The following PRMT1 variants were observed in gnomAD, a reference collection of about 807,000 sequenced individuals.
PRMT1 encodes protein arginine methyltransferase 1.
In PRMT1, 5 loss-of-function variants were observed where a neutral mutation model predicts 47.4. The ratio of observed to expected loss-of-function variants is 0.11; its 90% CI spans 0.06 to 0.22. PRMT1 has a LOEUF of 0.22. PRMT1 is among the 10% of genes least tolerant of loss of function. The pLI, the probability that PRMT1 is intolerant of heterozygous loss-of-function variation, is 1.00. For synonymous variants in PRMT1, 227 were observed against 204.6 expected (o/e 1.11, Z -0.94); for missense variants, 249 against 518.4 (o/e 0.48, Z 5.05).
chr19:49,681,886 G>C lies in PRMT1; in HGVS notation c.193-24G>C. The stretch of plus-strand genomic sequence containing the variant: ...CTGGGGATATGGGGCCCCTCACGGC[G>C]TCTCTGTGCCATTCTTGCCCTAGGA... On this transcript the variant is annotated intron_variant, in intron 3 of 10. Transcript: ENST00000454376. This position sits in a 1 kb window ranked among gnomAD's most constrained non-coding sequence, Gnocchi z 4.4. 6.2e-7 allele frequency: 1 copy of C among 1,602,516 alleles called. No homozygotes were observed. The highest frequency in any genetic ancestry group is 8.5e-7 in the Non-Finnish European group (1 of 1,171,498).
At chr19:49,682,498 C>T (rs955637670) in intron 5 of PRMT1, among the ~76,000 whole-genome samples, 53 of 152,202 alleles carry the variant, frequency 3.5e-4, no homozygotes, top group African/African-American at 1.2e-3. Context: ...AATAGAGTCA[C>T]GTGGTTGGCC....
Position 49,685,850 on chromosome 19 carries a change from C to T in PRMT1, c.760-243C>T. On this transcript the variant is annotated intron_variant, in intron 8 of 10. Coordinates refer to ENST00000454376, the MANE Select transcript of PRMT1 (RefSeq NM_001536.6). The surrounding 1 kb of genome is among the most constrained non-coding windows in gnomAD (Gnocchi z 4.7). ...GGAGGTCTGGACAGAGTTAGGGTGG[C>T]ACTGCCAGGTTTGGGTGTTGGAGAG... 2 of 1,364,134 alleles carry T rather than the reference C, an allele frequency of 1.5e-6. No individual in the cohort carries two copies. Among genetic ancestry groups the T allele is most frequent in the Admixed American group, 3.3e-5 (1 of 30,134 alleles). 84.5% of individuals were successfully genotyped at this position (1,364,134 alleles called of 1,614,324 possible).
At position 49,682,236 on chromosome 19, in the gene PRMT1, T is replaced by G; in HGVS notation, c.389T>G (p.Val130Gly). The change falls in exon 5 of 11, where the codon GTC becomes GGC. Residue 130 changes from valine (V) to glycine (G), a missense_variant. By Grantham distance (109) the Val-to-Gly change is moderately radical (BLOSUM62 -3). Transcript: ENST00000454376. ...ATCTCTGATTATGCGGTGAAGATCG[T>G]CAAAGCCAACAAGTTAGACCACGGT... ...SSISDYAVKI[V>G]KANKLDHVVT... 6.2e-7 allele frequency: 1 copy of G among 1,613,588 alleles called. No individual in the cohort carries two copies. The highest frequency in any genetic ancestry group is 8.5e-7 in the Non-Finnish European group (1 of 1,179,974).
rs2122987212 is a variant in PRMT1 at position 49,683,970 on chromosome 19, A to G, written c.456A>G (p.Pro152=). The G allele has an allele frequency of 6.2e-7, 1 of 1,613,992 alleles. No homozygotes were observed. The highest frequency in any genetic ancestry group is 8.5e-7 in the Non-Finnish European group (1 of 1,179,958). Residue 152 remains proline, a synonymous_variant, in exon 6 of 11, where the codon CCA becomes CCG. Transcript: ENST00000454376. The stretch of plus-strand genomic sequence containing the variant: ...GGAAGGTGGAGGAGGTGGAGCTCCC[A>G]GTGGAGAAGGTGGACATCATCATCA... ...IKGKVEEVEL[P]VEKVDIIISE...
rs1227687903 is a variant in PRMT1 at position 49,680,597 on chromosome 19, G to T, written c.192+9G>T. 1.3e-6 allele frequency: 2 copies of T among 1,599,490 alleles called. No homozygotes were observed. The highest frequency in any genetic ancestry group is 2.2e-5 in the South Asian group (2 of 90,780). ...ACTTTGGCATCCACGAGGTCAGTGGGGACAGTCCCCAAGGCCCCAATCTTA... is the reference window on the plus strand; with the variant it reads ...ACTTTGGCATCCACGAGGTCAGTGGTGACAGTCCCCAAGGCCCCAATCTTA... On this transcript the variant is annotated intron_variant, in intron 3 of 10. Coordinates refer to ENST00000454376, the MANE Select transcript of PRMT1 (RefSeq NM_001536.6). This position sits in a 1 kb window ranked among gnomAD's most constrained non-coding sequence, Gnocchi z 4.2.
chr19:49,679,098 G>T (rs2082078299), intron 1 of PRMT1, among the ~76,000 whole-genome samples: 3 of 152,084 alleles, frequency 2.0e-5, no homozygotes, highest in Admixed American at 2.0e-4. Flanking sequence ...TGGTCAGGCT[G>T]GTCTCAAACT....
At chr19:49,683,777 A>G (rs2082160621) in intron 5 of PRMT1, 150 bp from the exon 6 acceptor site, 1 of 810,458 alleles carries the variant, frequency 1.2e-6, no homozygotes, top group Non-Finnish European at 1.9e-6. Flanking sequence ...AGAACGATGT[A>G]TGAATTTTAA....
chr19:49,688,276 G>C lies in PRMT1; in HGVS notation c.*31G>C, dbSNP rs1351415787. 3 of 1,608,050 alleles carry C rather than the reference G, an allele frequency of 1.9e-6. No individual in the cohort carries two copies. Among genetic ancestry groups the C allele is most frequent in the Non-Finnish European group, 2.6e-6 (3 of 1,175,640 alleles). On this transcript the variant is annotated 3_prime_UTR_variant, in exon 11 of 11. Coordinates refer to ENST00000454376, the MANE Select transcript of PRMT1 (RefSeq NM_001536.6). The surrounding 1 kb of genome is among the most constrained non-coding windows in gnomAD (Gnocchi z 5.3). ...GGCTCTCCCGCCCTGCACGAGCCCA[G>C]GGGCTGAGCGTTCCTAGGCGGTTTC...
Position 49,680,009 on chromosome 19 carries a change from C to A in PRMT1, c.90+84C>A. The A allele has an allele frequency of 7.2e-7, 1 of 1,380,882 alleles. No individual in the cohort carries two copies. The highest frequency in any genetic ancestry group is 1.2e-5 in the South Asian group (1 of 81,184). The allele number at this position is 1,380,882 out of a possible 1,614,324, so 85.5% of individuals were successfully genotyped here. A position where few individuals can be genotyped will look rare whatever the true frequency, so the allele number is the denominator to read the frequency against. On this transcript the variant is annotated intron_variant, in intron 2 of 10. Coordinates refer to ENST00000454376, the MANE Select transcript of PRMT1 (RefSeq NM_001536.6). This position sits in a 1 kb window ranked among gnomAD's most constrained non-coding sequence, Gnocchi z 4.2. ...CACACATCTGGCCCTTTCTTGAGGT[C>A]TAACCATACCCCTCTTGCTTCAAAC... is the stretch of plus-strand genomic sequence containing the variant.
Position 49,677,278 on chromosome 19 carries a change from A to G in PRMT1, c.-3A>G, listed in dbSNP as rs1330249664. 18 of 1,418,930 alleles carry G rather than the reference A, an allele frequency of 1.3e-5. No homozygotes were observed. Among genetic ancestry groups the G allele is most frequent in the Non-Finnish European group, 1.6e-5 (17 of 1,083,174 alleles). The allele number at this position is 1,418,930 out of a possible 1,614,324, so 87.9% of individuals were successfully genotyped here. On this transcript the variant is annotated 5_prime_UTR_variant, in exon 1 of 11. Transcript: ENST00000454376. The stretch of plus-strand genomic sequence containing the variant: ...GCCGGAGGAGGAGTAGGTGCGGGTG[A>G]AGATGGCGGCAGCCGAGGCCGCGAA...
intron 1 of PRMT1, among the ~76,000 whole-genome samples, chr19:49,678,927 AGGCTGGAGTGCAAT>A (rs2082076141): frequency 7.5e-6 from 1 of 132,678 alleles, no homozygotes; most frequent in Non-Finnish European, 1.6e-5. Flanking sequence ...TCTGTCACCC[AGGCTGGAGTGCAAT>A]GGCTTGATCT....
In PRMT1 at chr19:49,685,493, A is replaced by G. The variant is rs575307237; in HGVS notation, c.759+456A>G. 9 of 1,021,550 alleles carry G rather than the reference A, an allele frequency of 8.8e-6. No individual in the cohort carries two copies. The highest frequency in any genetic ancestry group is 1.0e-4 in the East Asian group (1 of 9,932). 63.3% of individuals were successfully genotyped at this position (1,021,550 alleles called of 1,614,324 possible). A position where few individuals can be genotyped will look rare whatever the true frequency, so the allele number is the denominator to read the frequency against. On this transcript the variant is annotated intron_variant, in intron 8 of 10. Coordinates refer to ENST00000454376, the MANE Select transcript of PRMT1 (RefSeq NM_001536.6). The surrounding 1 kb of genome is among the most constrained non-coding windows in gnomAD (Gnocchi z 4.7). ...TCACTGCACTCCAGCTTTGGTGACA[A>G]TGTTTTGTTTTGTTTTTTCCTTTTG...
Position 49,681,905 on chromosome 19 carries a change from C to T in PRMT1, c.193-5C>T, listed in dbSNP as rs370547880. On this transcript the variant is annotated splice_polypyrimidine_tract_variant and splice_region_variant and intron_variant, in intron 3 of 10. Coordinates refer to ENST00000454376, the MANE Select transcript of PRMT1 (RefSeq NM_001536.6). This position sits in a 1 kb window ranked among gnomAD's most constrained non-coding sequence, Gnocchi z 4.4. ...CACGGCGTCTCTGTGCCATTCTTGC[C>T]CTAGGAGATGCTGAAGGACGAGGTG... is the stretch of plus-strand genomic sequence containing the variant. 15 of 1,612,514 alleles carry T rather than the reference C, an allele frequency of 9.3e-6. No homozygotes were observed. In the African/African-American group the frequency reaches 2.0e-4, roughly 22 times the overall value.
chr19:49,677,345 G>A, intron 1 of PRMT1, 29 bp downstream of exon 1: 1 of 1,381,524 alleles, frequency 7.2e-7, no homozygotes, highest in Non-Finnish European at 9.4e-7. Context: ...GCCGTGGGCG[G>A]GAGGCGGCTT....
At chr19:49,677,096 T>C (rs1184549126), upstream of PRMT1, 1 of 468,940 alleles carries the variant, frequency 2.1e-6, no homozygotes, top group East Asian at 3.5e-5. Context: ...CCCTGACCTA[T>C]GATGGACGTA....
At position 49,680,459 on chromosome 19, in the gene PRMT1, ACCCATGAT is replaced by A. The variant is rs1461170891; in HGVS notation, c.91-22_91-15del. On this transcript the variant is annotated intron_variant, in intron 2 of 10. Coordinates refer to ENST00000454376, the MANE Select transcript of PRMT1 (RefSeq NM_001536.6). The surrounding 1 kb of genome is among the most constrained non-coding windows in gnomAD (Gnocchi z 4.2). ...AGGCTGTGGGGAGCCCCCAGATCTG[ACCCATGAT>A]CCCATCGGCCCCCTCCCAGGTGTCC... 2 of 1,570,634 alleles carry A rather than the reference ACCCATGAT, an allele frequency of 1.3e-6. No homozygotes were observed. Among genetic ancestry groups the A allele is most frequent in the Non-Finnish European group, 1.8e-6 (2 of 1,140,674 alleles).
chr19:49,679,338 G>C (rs1054935259), intron 1 of PRMT1, among the ~76,000 whole-genome samples: 1 of 152,136 alleles, frequency 6.6e-6, no homozygotes, highest in African/African-American at 2.4e-5. Context: ...CTGGGGTCTG[G>C]GGTACTAGCT....
chr19:49,677,128 G>A (rs903529872), upstream of PRMT1: 2 of 588,392 alleles, frequency 3.4e-6, no homozygotes, highest in East Asian at 3.2e-5. Flanking sequence ...ATTACTAGAC[G>A]GTATTCTCAG....
Position 49,680,708 on chromosome 19 carries a change from C to T in PRMT1, c.192+120C>T, listed in dbSNP as rs1482256147. 4 of 811,126 alleles carry T rather than the reference C, an allele frequency of 4.9e-6. No individual in the cohort carries two copies. Among genetic ancestry groups the T allele is most frequent in the Middle Eastern group, 2.4e-4 (1 of 4,100 alleles). The allele number at this position is 811,126 out of a possible 1,614,324, so 50.2% of individuals were successfully genotyped here. A position where few individuals can be genotyped will look rare whatever the true frequency, so the allele number is the denominator to read the frequency against. On this transcript the variant is annotated intron_variant, in intron 3 of 10. Coordinates refer to ENST00000454376, the MANE Select transcript of PRMT1 (RefSeq NM_001536.6). This position sits in a 1 kb window ranked among gnomAD's most constrained non-coding sequence, Gnocchi z 4.2. ...CCCTGGCCGCAGGCCGCCCCCCTGCCCCTCTGCTGCGCACTTCCTAGGGTC... is the reference window on the plus strand; with the variant it reads ...CCCTGGCCGCAGGCCGCCCCCCTGCTCCTCTGCTGCGCACTTCCTAGGGTC...
Sources: allele counts gnomAD v4.1 joint callset (sites outside exome capture counted in the v4.1 genomes callset), GRCh38; gene constraint gnomAD v4.1.1; non-coding constraint Gnocchi (gnomAD v3.1); transcripts MANE v1.5; gene names NCBI Gene and HGNC (gene_info 2026-07-23, HGNC 2026-07-21).